Variants in PBRM1 observed in about 807,000 individuals in gnomAD.
The protein encoded by PBRM1 is polybromo 1.
A neutral mutation model predicts 194.5 loss-of-function variants in PBRM1; 27 were observed. That is an observed-to-expected ratio of 0.14 (90% CI 0.10 to 0.19). The LOEUF is 0.19. PBRM1 is among the 10% of genes least tolerant of loss of function. PBRM1 has a pLI of 1.00. For synonymous variants in PBRM1, 655 were observed against 693.2 expected, an observed-to-expected ratio of 0.94 and a Z score of 0.87; for missense variants, 1,466 against 2,077.2, an observed-to-expected ratio of 0.71 and a Z score of 5.72.
At chr3:52,549,928 C>A (rs2080492650) in intron 29 of PBRM1, among the ~76,000 whole-genome samples, 1 of 149,894 alleles carries the variant, frequency 6.7e-6, no homozygotes, top group South Asian at 2.1e-4. Flanking sequence ...ACCCAAAAAC[C>A]ATTTTCAGGC....
chr3:52,678,357 T>C, intron 2 of PBRM1, 143 bp downstream of exon 3: 1 of 572,646 alleles, frequency 1.7e-6, no homozygotes, highest in South Asian at 2.4e-5. Flanking sequence ...TACAGCTTGA[T>C]TACTAAAGAC....
intron 11 of PBRM1, 44 bp downstream of exon 12, chr3:52,634,558 A>G: frequency 1.6e-6 from 2 of 1,260,076 alleles, no homozygotes; most frequent in Non-Finnish European, 2.3e-6. Context: ...AGGCTCAGCC[A>G]CAACAAAATA....
intron 13 of PBRM1, among the ~76,000 whole-genome samples, chr3:52,619,245 C>A (rs1014811766): frequency 6.6e-6 from 1 of 152,186 alleles, no homozygotes; most frequent in African/African-American, 2.4e-5. Context: ...GTATAGTCAT[C>A]CCTTGGTATT....
Position 52,622,018 on chromosome 3 carries a change from C to A in PBRM1, c.1542-4480G>T, listed in dbSNP as rs1313153658. 2.6e-5 allele frequency among the ~76,000 whole-genome samples: 4 copies of A among 152,102 alleles called. No individual in the cohort carries two copies. In the East Asian group the frequency reaches 5.8e-4, roughly 22 times the overall value. ...CCATGATGGTGCCACTGCACTCCAG[C>A]CTGGGCAACAGAGTGAGACTGTCTC... On this transcript the variant is annotated intron_variant, in intron 13 of 29. Transcript: ENST00000296302.
chr3:52,655,806 T>C (rs2096596876), intron 5 of PBRM1, among the ~76,000 whole-genome samples: 1 of 152,220 alleles, frequency 6.6e-6, no homozygotes, highest in African/African-American at 2.4e-5. Flanking sequence ...AACTATAGTC[T>C]TGCCAATGAC....
At chr3:52,622,514 G>A (rs1246581188) in intron 13 of PBRM1, among the ~76,000 whole-genome samples, 1 of 152,150 alleles carries the variant, frequency 6.6e-6, no homozygotes, top group African/African-American at 2.4e-5. Flanking sequence ...TGCAAGTCAA[G>A]TGTCTTGAGA....
At chr3:52,662,325 A>T (rs1161949158) in intron 3 of PBRM1, 49 bp from the exon 5 acceptor site, 3 of 1,493,334 alleles carry the variant, frequency 2.0e-6, no homozygotes, top group Non-Finnish European at 2.7e-6. Flanking sequence ...AATGTATTGG[A>T]AATTAGTTGC....
chr3:52,612,439 T>C (rs991308651), intron 15 of PBRM1, among the ~76,000 whole-genome samples: 1 of 151,964 alleles, frequency 6.6e-6, no homozygotes, highest in Admixed American at 6.6e-5. Context: ...AGTTAACTTC[T>C]ATTTATAAGA....
chr3:52,593,365 T>C (rs752077160), intron 17 of PBRM1, among the ~76,000 whole-genome samples: 29 of 152,284 alleles, frequency 1.9e-4, no homozygotes, highest in Non-Finnish European at 4.0e-4. Flanking sequence ...GCCTTCCGAA[T>C]AGCTGGGACT....
chr3:52,572,303 G>A (rs892741397), intron 22 of PBRM1, among the ~76,000 whole-genome samples: 7 of 152,100 alleles, frequency 4.6e-5, no homozygotes, highest in Admixed American at 2.0e-4. Flanking sequence ...CCAGGTTCCT[G>A]GAAATTTTAT....
Position 52,609,137 on chromosome 3 carries a change from C to T in PBRM1, c.2567+176G>A. 1 of 577,880 alleles carries T rather than the reference C, an allele frequency of 1.7e-6. No homozygotes were observed. Among genetic ancestry groups the T allele is most frequent in the Non-Finnish European group, 3.0e-6 (1 of 331,180 alleles). 35.8% of individuals were successfully genotyped at this position (577,880 alleles called of 1,614,324 possible). A position where few individuals can be genotyped will look rare whatever the true frequency, so the allele number is the denominator to read the frequency against. Reference sequence around the variant, plus strand: ...GATGACTTAGTGGTGTGCCTTCTCTCCCCCACAGAATATACTCACTCTTAA... The same window carrying T: ...GATGACTTAGTGGTGTGCCTTCTCTTCCCCACAGAATATACTCACTCTTAA... On this transcript the variant is annotated intron_variant, in intron 16 of 29. Transcript: ENST00000296302. The surrounding 1 kb of genome is among the most constrained non-coding windows in gnomAD (Gnocchi z 4.1).
intron 29 of PBRM1, 41 bp from the exon 32 acceptor site, chr3:52,548,276 A>C (rs748970959): frequency 6.6e-7 from 1 of 1,508,656 alleles, no homozygotes; most frequent in Non-Finnish European, 8.9e-7. Context: ...TAGAATTTTA[A>C]GTTGGCAAAA....
chr3:52,619,610 A>C (rs948184170), intron 13 of PBRM1, among the ~76,000 whole-genome samples: 2 of 152,168 alleles, frequency 1.3e-5, no homozygotes, highest in African/African-American at 4.8e-5. Flanking sequence ...CCTATCCTTT[A>C]GGTGGAAGAA....
At chr3:52,605,994 CT>C (rs1163645314) in intron 16 of PBRM1, among the ~76,000 whole-genome samples, 2 of 151,248 alleles carry the variant, frequency 1.3e-5, no homozygotes, top group Non-Finnish European at 2.9e-5. Flanking sequence ...GAAGACACCC[CT>C]GAAACACTTT....
intron 16 of PBRM1, among the ~76,000 whole-genome samples, chr3:52,605,603 C>CTTT (rs752235047): frequency 1.9e-4 from 25 of 135,022 alleles, no homozygotes; most frequent in African/African-American, 6.0e-4. Context: ...CGGAAAGTCT[C>CTTT]TTTTTTTTTT....
At chr3:52,651,749 C>T (rs559073890) in exon 6 of PBRM1, 3 of 1,583,040 alleles carry the variant, frequency 1.9e-6, no homozygotes, top group East Asian at 2.2e-5. Context: ...TACCTGTATC[C>T]TCTGGGCAAT....
chr3:52,579,989 C>T (rs1350935877), intron 20 of PBRM1, among the ~76,000 whole-genome samples: 1 of 152,108 alleles, frequency 6.6e-6, no homozygotes, highest in Non-Finnish European at 1.5e-5. Flanking sequence ...ATGTCATAAC[C>T]CCAGCACACT....
At chr3:52,610,445 C>T (rs974076151) in intron 15 of PBRM1, among the ~76,000 whole-genome samples, 1 of 152,186 alleles carries the variant, frequency 6.6e-6, no homozygotes, top group African/African-American at 2.4e-5. Flanking sequence ...ACAATGACTA[C>T]CTCAGTAGCA....
Position 52,609,601 on chromosome 3 carries a change from C to A in PBRM1, c.2279G>T (p.Arg760Leu). 2 of 1,612,654 alleles carry A rather than the reference C, an allele frequency of 1.2e-6. No homozygotes were observed. The highest frequency in any genetic ancestry group is 1.7e-6 in the Non-Finnish European group (2 of 1,179,368). ...GTCCTCATCTCCCTCCAGGTCTCTG[C>A]GTGTTTCAAGCAGGACTTTGTGTAG... The change falls in exon 16 of 30, where the codon CGC becomes CTC. Residue 760 changes from arginine to leucine, a missense_variant. This residue lies in a region of PBRM1 where 687 missense variants were observed against 946.2 expected (regional missense o/e 0.73). Coordinates refer to ENST00000296302, the Ensembl canonical transcript of PBRM1. This position sits in a 1 kb window ranked among gnomAD's most constrained non-coding sequence, Gnocchi z 4.1.
Sources: allele counts gnomAD v4.1 joint callset (sites outside exome capture counted in the v4.1 genomes callset), GRCh38; gene constraint gnomAD v4.1.1; regional missense constraint gnomAD v4.1.1; non-coding constraint Gnocchi (gnomAD v3.1); transcripts MANE v1.5; gene names NCBI Gene and HGNC (gene_info 2026-07-23, HGNC 2026-07-21).